The following RAB15 variants were observed in gnomAD, a reference collection of about 807,000 sequenced individuals.
The protein encoded by RAB15 is ras-related protein Rab-15.
In RAB15, 13 loss-of-function variants were observed where a neutral mutation model predicts 31.8. The ratio of observed to expected loss-of-function variants is 0.41; its 90% CI spans 0.27 to 0.65. The LOEUF (loss-of-function observed/expected upper bound fraction) is 0.65. Ranked by LOEUF, RAB15 falls within the 30% of genes least tolerant of loss-of-function variation. The pLI, the probability that RAB15 is intolerant of heterozygous loss-of-function variation, is 0.32. For missense variants in RAB15, 220 were observed against 277.3 expected, an observed-to-expected ratio of 0.79 and a Z score of 1.47; for synonymous variants, 100 against 105.6, an observed-to-expected ratio of 0.95 and a Z score of 0.33.
intron 1 of RAB15, among the ~76,000 whole-genome samples, chr14:64,956,598 A>G (rs1006615786): frequency 2.0e-5 from 3 of 152,142 alleles, no homozygotes; most frequent in Non-Finnish European, 4.4e-5. Flanking sequence ...AAAGTTTTGC[A>G]CCTGAAGTGT....
rs1885949967 is a variant in RAB15 at position 64,946,883 on chromosome 14, C to G, written c.*1471G>C. The G allele has an allele frequency of 6.6e-6, 1 of 152,574 alleles. No homozygotes were observed. Among genetic ancestry groups the G allele is most frequent in the East Asian group, 1.9e-4 (1 of 5,190 alleles). 9.5% of individuals were successfully genotyped at this position (152,574 alleles called of 1,614,324 possible). A position where few individuals can be genotyped will look rare whatever the true frequency, so the allele number is the denominator to read the frequency against. On this transcript the variant is annotated 3_prime_UTR_variant, in exon 7 of 7. Transcript: ENST00000533601. ...TACTTGTTCCGTCTTTAAAGGGCCTCCTACGAGCTACTCTTGGGCCATATG... is the reference window on the plus strand; with the variant it reads ...TACTTGTTCCGTCTTTAAAGGGCCTGCTACGAGCTACTCTTGGGCCATATG...
At position 64,954,845 on chromosome 14, in the gene RAB15, G is replaced by A. The variant is rs1312249185; in HGVS notation, c.125-2274C>T. Among the ~76,000 whole-genome samples, 1 of 152,346 alleles carries A rather than the reference G, an allele frequency of 6.6e-6. No individual in the cohort carries two copies. Among genetic ancestry groups the A allele is most frequent in the Admixed American group, 6.5e-5 (1 of 15,304 alleles). ...GTTTCCTTTTTGCCTGTGGGTGCCT[G>A]AGAAGGACTTTGCTAGGAGAGGAAC... is the stretch of plus-strand genomic sequence containing the variant. On this transcript the variant is annotated intron_variant, in intron 1 of 6. Transcript: ENST00000533601. The surrounding 1 kb of genome is among the most constrained non-coding windows in gnomAD (Gnocchi z 4.3).
Position 64,950,362 on chromosome 14 carries a change from T to A in RAB15, c.377A>T (p.Glu126Val). The A allele has an allele frequency of 6.2e-7, 1 of 1,614,168 alleles. No homozygotes were observed. The stretch of plus-strand genomic sequence containing the variant: ...CTCTCTTCCCACCTGCCGTTTCTGC[T>A]CCTCATCAGCCTTATTCCCAATAAG... ...KILIGNKADE[E>V]QKRQVGREQG... The change falls in exon 5 of 7, where the codon GAG becomes GTG. Residue 126 changes from glutamate (E) to valine (V), a missense_variant. Transcript: ENST00000533601. This position sits in a 1 kb window ranked among gnomAD's most constrained non-coding sequence, Gnocchi z 5.6.
chr14:64,948,318 G>T lies in RAB15; in HGVS notation c.*36C>A, dbSNP rs1886026405. On this transcript the variant is annotated 3_prime_UTR_variant, in exon 7 of 7. Transcript: ENST00000533601. The surrounding 1 kb of genome is among the most constrained non-coding windows in gnomAD (Gnocchi z 7.0). ...CTGTCTGCCCACGGGCCTCCTGAGG[G>T]AAGAGGGGTGTCGTGTGGGGTGCCC... The T allele has an allele frequency of 2.0e-6, 3 of 1,465,852 alleles. No individual in the cohort carries two copies. The highest frequency in any genetic ancestry group is 1.8e-6 in the Non-Finnish European group (2 of 1,113,598). The allele number at this position is 1,465,852 out of a possible 1,614,324, so 90.8% of individuals were successfully genotyped here. A position where few individuals can be genotyped will look rare whatever the true frequency, so the allele number is the denominator to read the frequency against.
In RAB15 at chr14:64,947,804, TC is replaced by T. The variant is rs1825481777; in HGVS notation, c.*549del. 1 of 152,366 alleles carries T rather than the reference TC, an allele frequency of 6.6e-6. No homozygotes were observed. The highest frequency in any genetic ancestry group is 2.4e-5 in the African/African-American group (1 of 41,408). 9.4% of individuals were successfully genotyped at this position (152,366 alleles called of 1,614,324 possible). Reference sequence around the variant, plus strand: ...CCCACGAGGCAGGGTGGAGGGTTCTTCCTGGATCCAAGGGTGGAACCTCCCC... The same window carrying T: ...CCCACGAGGCAGGGTGGAGGGTTCTTCTGGATCCAAGGGTGGAACCTCCCC... On this transcript the variant is annotated 3_prime_UTR_variant, in exon 7 of 7. Transcript: ENST00000533601. This position sits in a 1 kb window ranked among gnomAD's most constrained non-coding sequence, Gnocchi z 5.6.
rs763907028 is a variant in RAB15 at position 64,948,348 on chromosome 14, C to T, written c.*6G>A. Reference sequence around the variant, plus strand: ...GGGGTGTCGTGTGGGGTGCCCCACACAGGACTCAGCACCAGCAGGTTTTCG... The same window carrying T: ...GGGGTGTCGTGTGGGGTGCCCCACATAGGACTCAGCACCAGCAGGTTTTCG... On this transcript the variant is annotated 3_prime_UTR_variant, in exon 7 of 7. Transcript: ENST00000533601. This position sits in a 1 kb window ranked among gnomAD's most constrained non-coding sequence, Gnocchi z 7.0. 6.5e-7 allele frequency: 1 copy of T among 1,539,416 alleles called. No individual in the cohort carries two copies. The highest frequency in any genetic ancestry group is 1.2e-5 in the South Asian group (1 of 80,266).
rs76527544 is a variant in RAB15 at position 64,968,296 on chromosome 14, T to G, written c.124+3657A>C. On this transcript the variant is annotated intron_variant, in intron 1 of 6. Transcript: ENST00000533601. This position sits in a 1 kb window ranked among gnomAD's most constrained non-coding sequence, Gnocchi z 4.9. ...TCAATCCCACCTCTGTTATCTCTGCTCATGTTACTCCATCTGCTCCCTTCT... is the reference window on the plus strand; with the variant it reads ...TCAATCCCACCTCTGTTATCTCTGCGCATGTTACTCCATCTGCTCCCTTCT... 5.5e-3 allele frequency among the ~76,000 whole-genome samples: 840 copies of G among 152,224 alleles called. 9 individuals are homozygous for G. The highest frequency in any genetic ancestry group is 0.019 in the African/African-American group (776 of 41,540).
At position 64,971,463 on chromosome 14, in the gene RAB15, T is replaced by C. The variant is rs925918746; in HGVS notation, c.124+490A>G. ...AACTCTGCCCTGGAAACTCGATCCC[T>C]GTGGCCCCTCCGTACGTCCTCTCTT... On this transcript the variant is annotated intron_variant, in intron 1 of 6. Coordinates refer to ENST00000533601, the MANE Select transcript of RAB15 (RefSeq NM_001308154.2). This position sits in a 1 kb window ranked among gnomAD's most constrained non-coding sequence, Gnocchi z 4.1. 1.3e-5 allele frequency among the ~76,000 whole-genome samples: 2 copies of C among 152,240 alleles called. No homozygotes were observed. Among genetic ancestry groups the C allele is most frequent in the East Asian group, 1.9e-4 (1 of 5,172 alleles).
Position 64,948,629 on chromosome 14 carries a change from A to AGCCCGAGAGAGCGGGC in RAB15, c.480+23_480+38dup. The stretch of plus-strand genomic sequence containing the variant: ...TCCTCCTCCCACCTCTGCTGGACTC[A>AGCCCGAGAGAGCGGGC]GCCCGAGAGAGCGGGCGCCTGGTCA... On this transcript the variant is annotated intron_variant, in intron 6 of 6. Coordinates refer to ENST00000533601, the MANE Select transcript of RAB15 (RefSeq NM_001308154.2). This position sits in a 1 kb window ranked among gnomAD's most constrained non-coding sequence, Gnocchi z 7.0. 6.2e-7 allele frequency: 1 copy of AGCCCGAGAGAGCGGGC among 1,612,920 alleles called. No individual in the cohort carries two copies. Among genetic ancestry groups the AGCCCGAGAGAGCGGGC allele is most frequent in the Non-Finnish European group, 8.5e-7 (1 of 1,178,992 alleles).
chr14:64,963,205 A>C (rs1886955569), intron 1 of RAB15, among the ~76,000 whole-genome samples: 1 of 133,378 alleles, frequency 7.5e-6, no homozygotes, highest in African/African-American at 2.9e-5. Context: ...TGCAACCTCC[A>C]CCTCCTGTGT....
chr14:64,962,087 C>A lies in RAB15; in HGVS notation c.125-9516G>T, dbSNP rs892737319. Among the ~76,000 whole-genome samples the A allele has an allele frequency of 3.3e-5, 5 of 152,152 alleles. No individual in the cohort carries two copies. Among genetic ancestry groups the A allele is most frequent in the Admixed American group, 3.3e-4 (5 of 15,280 alleles). On this transcript the variant is annotated intron_variant, in intron 1 of 6. Transcript: ENST00000533601. This position sits in a 1 kb window ranked among gnomAD's most constrained non-coding sequence, Gnocchi z 4.2. ...AAAATTAGCTGGTCGTGGTGGCAGG[C>A]TCCTGGAATCCCAGCTACTCGGGAG... is the stretch of plus-strand genomic sequence containing the variant.
At chr14:64,961,444 C>A (rs773303801) in intron 1 of RAB15, among the ~76,000 whole-genome samples, 15 of 152,202 alleles carry the variant, frequency 9.9e-5, no homozygotes, top group Non-Finnish European at 1.8e-4. Flanking sequence ...AGACTAAGGT[C>A]CATGTTGCCT....
In RAB15 at chr14:64,950,352, C is replaced by A. The variant is rs35179634; in HGVS notation, c.387G>T (p.Arg129=). The stretch of plus-strand genomic sequence containing the variant: ...GCTGCCCTTGCTCTCTTCCCACCTG[C>A]CGTTTCTGCTCCTCATCAGCCTTAT... ...IGNKADEEQK[R]QVGREQGQQL... Residue 129 remains arginine (R), a synonymous_variant, in exon 5 of 7, where the codon CGG becomes CGT. Coordinates refer to ENST00000533601, the MANE Select transcript of RAB15 (RefSeq NM_001308154.2). This position sits in a 1 kb window ranked among gnomAD's most constrained non-coding sequence, Gnocchi z 5.6. 95,696 of 1,613,910 alleles carry A rather than the reference C, an allele frequency of 0.059. 11,559 individuals are homozygous for A. The highest frequency in any genetic ancestry group is 0.49 in the East Asian group (21,760 of 44,856).
chr14:64,950,548 G>C lies in RAB15; in HGVS notation c.325-134C>G. ...GACAGGGTGGGCCGACTGGATGCAG[G>C]TGCCAGGCTCCCCCAAGTGCCATGG... is the stretch of plus-strand genomic sequence containing the variant. On this transcript the variant is annotated intron_variant, in intron 4 of 6. Coordinates refer to ENST00000533601, the MANE Select transcript of RAB15 (RefSeq NM_001308154.2). The surrounding 1 kb of genome is among the most constrained non-coding windows in gnomAD (Gnocchi z 5.6). 1 of 772,654 alleles carries C rather than the reference G, an allele frequency of 1.3e-6. No homozygotes were observed. The highest frequency in any genetic ancestry group is 2.3e-6 in the Non-Finnish European group (1 of 444,180). 47.9% of individuals were successfully genotyped at this position (772,654 alleles called of 1,614,324 possible). A position where few individuals can be genotyped will look rare whatever the true frequency, so the allele number is the denominator to read the frequency against.
In RAB15 at chr14:64,964,948, A is replaced by AT. The variant is rs142570659; in HGVS notation, c.124+7004dup. On this transcript the variant is annotated intron_variant, in intron 1 of 6. Coordinates refer to ENST00000533601, the MANE Select transcript of RAB15 (RefSeq NM_001308154.2). ...TGCCATGGTCACAGAGTTCTCAGTA[A>AT]TTTTTTTTTTTTCCTGAGACAGGGT... Among the ~76,000 whole-genome samples, 474 of 135,408 alleles carry AT rather than the reference A, an allele frequency of 3.5e-3. 3 individuals are homozygous for AT. Among genetic ancestry groups the AT allele is most frequent in the African/African-American group, 0.011 (385 of 36,606 alleles). 88.8% of individuals were successfully genotyped at this position (135,408 alleles called of 152,430 possible).
intron 1 of RAB15, among the ~76,000 whole-genome samples, chr14:64,956,908 G>A (rs1886603861): frequency 6.6e-6 from 1 of 151,714 alleles, no homozygotes; most frequent in Non-Finnish European, 1.5e-5. Context: ...TGTAACTTCA[G>A]GCAAGTCTCA....
chr14:64,956,879 C>T (rs1457535239), intron 1 of RAB15, among the ~76,000 whole-genome samples: 1 of 151,896 alleles, frequency 6.6e-6, no homozygotes, highest in Non-Finnish European at 1.5e-5. Flanking sequence ...GGTCCAAGTC[C>T]TGGTTCTGGC....
Position 64,970,277 on chromosome 14 carries a change from T to C in RAB15, c.124+1676A>G, listed in dbSNP as rs1023796864. ...GCCCTTTGTCCCTGAGCCCACAACC[T>C]GTCCTCATACACCATCTGGTTCCTC... is the stretch of plus-strand genomic sequence containing the variant. On this transcript the variant is annotated intron_variant, in intron 1 of 6. Transcript: ENST00000533601. This position sits in a 1 kb window ranked among gnomAD's most constrained non-coding sequence, Gnocchi z 4.1. Among the ~76,000 whole-genome samples, 7 of 152,232 alleles carry C rather than the reference T, an allele frequency of 4.6e-5. No homozygotes were observed. Among genetic ancestry groups the C allele is most frequent in the Admixed American group, 1.3e-4 (2 of 15,292 alleles).
Position 64,954,729 on chromosome 14 carries a change from C to G in RAB15, c.125-2158G>C, listed in dbSNP as rs1886450931. On this transcript the variant is annotated intron_variant, in intron 1 of 6. Transcript: ENST00000533601. The surrounding 1 kb of genome is among the most constrained non-coding windows in gnomAD (Gnocchi z 4.3). ...AGATTCCAACACAGGTCCATCTATG[C>G]TGGAACCCACGCTGCCCCTTGCGCT... 2.0e-5 allele frequency among the ~76,000 whole-genome samples: 3 copies of G among 152,344 alleles called. No individual in the cohort carries two copies. In the South Asian group the frequency reaches 6.2e-4, roughly 32 times the overall value.
Sources: gnomAD v4.1 joint callset for allele counts (sites outside exome capture counted in the v4.1 genomes callset) on GRCh38, gnomAD v4.1.1 for gene constraint, Gnocchi (gnomAD v3.1) non-coding constraint, MANE v1.5 for transcripts, NCBI Gene and HGNC (gene_info 2026-07-23, HGNC 2026-07-21) for gene names.